The following IGSF21 variants were observed in gnomAD, a reference collection of about 807,000 sequenced individuals.
IGSF21 encodes the protein immunoglobulin superfamily member 21.
A neutral mutation model predicts 46.8 loss-of-function variants in IGSF21; 28 were observed. The ratio of observed to expected loss-of-function variants is 0.60; its 90% CI spans 0.44 to 0.82. The LOEUF is 0.82. IGSF21 is among the 40% of genes least tolerant of loss of function. The probability of loss-of-function intolerance (pLI) is 0.00; values close to 1 mark genes in which losing one functional copy is unlikely to be tolerated. For synonymous variants in IGSF21, 284 were observed against 273.6 expected, an observed-to-expected ratio of 1.04 and a Z score of -0.38; for missense variants, 624 against 665.5, an observed-to-expected ratio of 0.94 and a Z score of 0.69.
Position 18,188,354 on chromosome 1 carries a change from G to A in IGSF21, c.71-39544G>A, listed in dbSNP as rs2086924057. Among the ~76,000 whole-genome samples, 3 of 152,108 alleles carry A rather than the reference G, an allele frequency of 2.0e-5. No homozygotes were observed. In the South Asian group the frequency reaches 6.2e-4, roughly 32 times the overall value. The stretch of plus-strand genomic sequence containing the variant: ...CTCCTCCTTGGAAATACAGTTTGCT[G>A]ATTAGATCGCCCCCATAAAATATGG... On this transcript the variant is annotated intron_variant, in intron 1 of 9. Transcript: ENST00000251296.
At chr1:18,275,323 A>G (rs2085089830) in intron 2 of IGSF21, among the ~76,000 whole-genome samples, 1 of 152,150 alleles carries the variant, frequency 6.6e-6, no homozygotes, top group South Asian at 2.1e-4. Flanking sequence ...TCCCCAAGCC[A>G]AACCTCCAGA....
intron 1 of IGSF21, among the ~76,000 whole-genome samples, chr1:18,124,554 C>G (rs2086259589): frequency 6.6e-6 from 1 of 152,064 alleles, no homozygotes. Flanking sequence ...CTTGGACTTC[C>G]CATCCTGACC....
chr1:18,178,562 G>A (rs980621618), intron 1 of IGSF21, among the ~76,000 whole-genome samples: 1 of 152,190 alleles, frequency 6.6e-6, no homozygotes, highest in Non-Finnish European at 1.5e-5. Flanking sequence ...AGTGCCAGGT[G>A]CATATTAAAT....
intron 1 of IGSF21, among the ~76,000 whole-genome samples, chr1:18,155,407 G>A (rs2124437847): frequency 6.6e-6 from 1 of 152,290 alleles, no homozygotes; most frequent in African/African-American, 2.4e-5. Flanking sequence ...CTACTTTGTA[G>A]GGTTGCTATA....
intron 4 of IGSF21, among the ~76,000 whole-genome samples, chr1:18,345,299 C>A (rs979235736): frequency 1.1e-4 from 16 of 152,310 alleles, no homozygotes; most frequent in African/African-American, 3.6e-4. Flanking sequence ...TGAGGAGTGG[C>A]TAAGGGTATG....
chr1:18,356,995 T>C (rs959249905), intron 4 of IGSF21, among the ~76,000 whole-genome samples: 3 of 149,064 alleles, frequency 2.0e-5, no homozygotes, highest in Non-Finnish European at 4.5e-5. Flanking sequence ...AGAATGGAGA[T>C]GGAGTGGAGA....
intron 1 of IGSF21, among the ~76,000 whole-genome samples, chr1:18,171,166 G>A (rs1374642658): frequency 2.0e-5 from 3 of 152,106 alleles, no homozygotes; most frequent in Non-Finnish European, 2.9e-5. Context: ...AAGCCCTCAA[G>A]ATGCCTTCAT....
chr1:18,378,439 C>A lies in IGSF21; in HGVS notation c.*113C>A. On this transcript the variant is annotated 3_prime_UTR_variant, in exon 10 of 10. Transcript: ENST00000251296. Reference sequence around the variant, plus strand: ...TAGTCTCTTTCCATCTGTGTCTTGGCTTCTTCAGTCGGTTTAATTAAAACA... The same window carrying A: ...TAGTCTCTTTCCATCTGTGTCTTGGATTCTTCAGTCGGTTTAATTAAAACA... 2.3e-6 allele frequency: 2 copies of A among 878,868 alleles called. No homozygotes were observed. Among genetic ancestry groups the A allele is most frequent in the Non-Finnish European group, 3.5e-6 (2 of 569,588 alleles). The allele number at this position is 878,868 out of a possible 1,614,324, so 54.4% of individuals were successfully genotyped here.
chr1:18,336,308 A>G (rs2085765287), intron 4 of IGSF21, among the ~76,000 whole-genome samples: 1 of 152,230 alleles, frequency 6.6e-6, no homozygotes. Context: ...GGCTGCTAGC[A>G]TAGGGAGGGG....
At chr1:18,117,927 G>T (rs1009986156) in intron 1 of IGSF21, among the ~76,000 whole-genome samples, 1 of 152,188 alleles carries the variant, frequency 6.6e-6, no homozygotes, top group Non-Finnish European at 1.5e-5. Flanking sequence ...GATGTGGGGG[G>T]CAGGTCTTCT....
At chr1:18,278,937 T>C in intron 2 of IGSF21, 1 of 471,256 alleles carries the variant, frequency 2.1e-6, no homozygotes, top group Non-Finnish European at 4.4e-6. Flanking sequence ...TCCTGCATGT[T>C]GGGAAATGTT....
intron 1 of IGSF21, among the ~76,000 whole-genome samples, chr1:18,195,358 A>G (rs952595126): frequency 2.0e-5 from 3 of 152,164 alleles, no homozygotes; most frequent in Non-Finnish European, 4.4e-5. Context: ...GGTGCCATCG[A>G]TGGATTATAA....
intron 1 of IGSF21, chr1:18,114,305 G>C (rs1341501795): frequency 3.3e-5 from 5 of 152,216 alleles, no homozygotes; most frequent in Admixed American, 3.3e-4. Flanking sequence ...GCTCCACCCA[G>C]GCAGGGACCC....
At chr1:18,134,595 C>T (rs939776241) in intron 1 of IGSF21, among the ~76,000 whole-genome samples, 1 of 152,184 alleles carries the variant, frequency 6.6e-6, no homozygotes, top group Admixed American at 6.5e-5. Context: ...CATCTCTGGG[C>T]TTTTCCTGGG....
intron 1 of IGSF21, among the ~76,000 whole-genome samples, chr1:18,146,259 G>A (rs367787882): frequency 4.6e-5 from 7 of 152,162 alleles, no homozygotes; most frequent in Non-Finnish European, 5.9e-5. Flanking sequence ...CCAGAACACC[G>A]AGTCCAAAGC....
At chr1:18,176,536 G>C (rs1478465331) in intron 1 of IGSF21, among the ~76,000 whole-genome samples, 1 of 152,160 alleles carries the variant, frequency 6.6e-6, no homozygotes, top group African/African-American at 2.4e-5. Flanking sequence ...AATAAGTAGG[G>C]CATCTCTTGG....
chr1:18,145,243 G>A (rs11261094), intron 1 of IGSF21, among the ~76,000 whole-genome samples: 55,485 of 151,768 alleles, frequency 0.37, 10,656 homozygotes, highest in East Asian at 0.65. Flanking sequence ...TTTGTGGCTA[G>A]ATGGCTCCTC....
chr1:18,298,321 C>A (rs1264783192), intron 3 of IGSF21, among the ~76,000 whole-genome samples: 2 of 152,204 alleles, frequency 1.3e-5, no homozygotes, highest in Non-Finnish European at 2.9e-5. Context: ...TGGAATCTGA[C>A]TTCCAGGTAT....
In IGSF21 at chr1:18,378,437, G is replaced by T. The variant is rs912528522; in HGVS notation, c.*111G>T. ...CTTAGTCTCTTTCCATCTGTGTCTT[G>T]GCTTCTTCAGTCGGTTTAATTAAAA... On this transcript the variant is annotated 3_prime_UTR_variant, in exon 10 of 10. Coordinates refer to ENST00000251296, the MANE Select transcript of IGSF21 (RefSeq NM_032880.5). The T allele has an allele frequency of 6.7e-6, 6 of 899,364 alleles. No homozygotes were observed. Among genetic ancestry groups the T allele is most frequent in the Non-Finnish European group, 6.8e-6 (4 of 586,666 alleles). The allele number at this position is 899,364 out of a possible 1,614,324, so 55.7% of individuals were successfully genotyped here. A position where few individuals can be genotyped will look rare whatever the true frequency, so the allele number is the denominator to read the frequency against.
Sources: gnomAD v4.1 joint callset for allele counts (sites outside exome capture counted in the v4.1 genomes callset) on GRCh38, gnomAD v4.1.1 for gene constraint, MANE v1.5 for transcripts, NCBI Gene and HGNC (gene_info 2026-07-23, HGNC 2026-07-21) for gene names.